Variants in SHISA9 observed in about 807,000 individuals in gnomAD.
The protein encoded by SHISA9 is shisa family member 9.
In SHISA9, 13 loss-of-function variants were observed where a neutral mutation model predicts 38.0. The ratio of observed to expected loss-of-function variants is 0.34; its 90% CI spans 0.22 to 0.54. SHISA9 has a LOEUF of 0.54. Ranked by LOEUF, SHISA9 falls within the 20% of genes least tolerant of loss-of-function variation. The probability of loss-of-function intolerance (pLI) is 0.91; values close to 1 mark genes in which losing one functional copy is unlikely to be tolerated. For synonymous variants in SHISA9, 275 were observed against 242.0 expected (o/e 1.14, Z -1.27); for missense variants, 538 against 575.8 (o/e 0.93, Z 0.67).
chr16:13,036,811 A>G (rs1307916860), intron 2 of SHISA9, among the ~76,000 whole-genome samples: 1 of 151,838 alleles, frequency 6.6e-6, no homozygotes. Context: ...CCCAGTACTA[A>G]ATGAGGTAAA....
At chr16:12,985,563 G>A (rs1567172974) in intron 2 of SHISA9, among the ~76,000 whole-genome samples, 1 of 152,162 alleles carries the variant, frequency 6.6e-6, no homozygotes, top group African/African-American at 2.4e-5. Context: ...TGGAGGCAAG[G>A]AGCTCATCCA....
chr16:13,359,099 C>T, the SHISA9 span, among the ~76,000 whole-genome samples: 4 of 152,076 alleles, frequency 2.6e-5, no homozygotes, highest in Non-Finnish European at 5.9e-5. Flanking sequence ...GAAGAATGTC[C>T]AGTTTTAGAT....
At chr16:13,100,245 A>T (rs538817157) in intron 2 of SHISA9, among the ~76,000 whole-genome samples, 1 of 152,388 alleles carries the variant, frequency 6.6e-6, no homozygotes, top group East Asian at 1.9e-4. Context: ...ACATATTTGC[A>T]GTACCTTTTT....
At chr16:13,454,792 A>G in the SHISA9 span, among the ~76,000 whole-genome samples, 8 of 152,146 alleles carry the variant, frequency 5.3e-5, 1 homozygote, top group Non-Finnish European at 1.2e-4. Flanking sequence ...TTTCTCCAAA[A>G]TTGGAGATAC....
the SHISA9 span, among the ~76,000 whole-genome samples, chr16:13,363,398 A>G: frequency 6.6e-6 from 1 of 152,204 alleles, no homozygotes. Flanking sequence ...CCTGGTAAAC[A>G]TTTGTGGAAT....
chr16:13,064,561 A>G lies in SHISA9; in HGVS notation c.692-138833A>G, dbSNP rs117968050. Among the ~76,000 whole-genome samples the G allele has an allele frequency of 4.6e-5, 7 of 152,344 alleles. No homozygotes were observed. In the East Asian group the frequency reaches 1.3e-3, roughly 29 times the overall value. ...AATGTACATAAGAATTTTGAATGATATAAGGATCATTATATGTGTATGCAC... is the reference window on the plus strand; with the variant it reads ...AATGTACATAAGAATTTTGAATGATGTAAGGATCATTATATGTGTATGCAC... On this transcript the variant is annotated intron_variant, in intron 2 of 4. Transcript: ENST00000558583.
At chr16:13,155,217 T>C (rs1458716399) in intron 2 of SHISA9, among the ~76,000 whole-genome samples, 2 of 152,056 alleles carry the variant, frequency 1.3e-5, no homozygotes, top group African/African-American at 4.8e-5. Flanking sequence ...TTAAATGGGA[T>C]GGAGTGGCTT....
At chr16:13,201,161 G>A (rs2051002490) in intron 2 of SHISA9, among the ~76,000 whole-genome samples, 1 of 135,078 alleles carries the variant, frequency 7.4e-6, no homozygotes, top group Admixed American at 7.3e-5. Flanking sequence ...ACCTGTTTTT[G>A]TAAATAAAGT....
the SHISA9 span, among the ~76,000 whole-genome samples, chr16:13,257,199 A>T: frequency 2.0e-5 from 3 of 152,120 alleles, no homozygotes; most frequent in African/African-American, 7.2e-5. Context: ...ATCCCAGGAC[A>T]AGCTTTTCTT....
the SHISA9 span, among the ~76,000 whole-genome samples, chr16:13,526,914 C>G: frequency 2.6e-5 from 4 of 152,284 alleles, no homozygotes; most frequent in African/African-American, 9.6e-5. Context: ...TCCCCAGATA[C>G]TTGAGCTTCC....
chr16:13,142,282 T>A (rs1287537321), intron 2 of SHISA9, among the ~76,000 whole-genome samples: 1 of 152,198 alleles, frequency 6.6e-6, no homozygotes, highest in Admixed American at 6.5e-5. Flanking sequence ...ACTTATTAGG[T>A]CTTCCCTAAG....
At chr16:12,997,345 C>G (rs2072469349) in intron 2 of SHISA9, among the ~76,000 whole-genome samples, 1 of 150,420 alleles carries the variant, frequency 6.6e-6, no homozygotes, top group Non-Finnish European at 1.5e-5. Context: ...CCATAGTATA[C>G]TGCAATTATC....
chr16:12,933,721 T>C (rs1345748341), intron 2 of SHISA9, among the ~76,000 whole-genome samples: 1 of 152,244 alleles, frequency 6.6e-6, no homozygotes, highest in Non-Finnish European at 1.5e-5. Context: ...TGTTGTGCCA[T>C]ATCCTTTATC....
At chr16:13,445,751 A>G in the SHISA9 span, among the ~76,000 whole-genome samples, 1 of 152,158 alleles carries the variant, frequency 6.6e-6, no homozygotes, top group Non-Finnish European at 1.5e-5. Flanking sequence ...CATGGGTTCT[A>G]CTTGAAGCCA....
At chr16:13,364,432 C>T in the SHISA9 span, among the ~76,000 whole-genome samples, 1 of 152,238 alleles carries the variant, frequency 6.6e-6, no homozygotes, top group African/African-American at 2.4e-5. Flanking sequence ...TCAGCATTCA[C>T]TCAACTTGCA....
chr16:13,262,830 C>T, the SHISA9 span, among the ~76,000 whole-genome samples: 23,757 of 152,030 alleles, frequency 0.16, 2,126 homozygotes, highest in Non-Finnish European at 0.2. Context: ...ACTGTGCTTA[C>T]CCAGTTGAGA....
intron 2 of SHISA9, among the ~76,000 whole-genome samples, chr16:13,120,074 G>C (rs901568769): frequency 6.6e-6 from 1 of 152,192 alleles, no homozygotes; most frequent in African/African-American, 2.4e-5. Context: ...CATAACCTTA[G>C]AGATGGCAAA....
At chr16:12,982,220 C>T (rs985905064) in intron 2 of SHISA9, among the ~76,000 whole-genome samples, 10 of 152,206 alleles carry the variant, frequency 6.6e-5, no homozygotes, top group Non-Finnish European at 1.5e-4. Context: ...ATTCGGCCAT[C>T]CAATATGGTG....
intron 1 of SHISA9, among the ~76,000 whole-genome samples, chr16:12,907,330 C>G (rs1268440700): frequency 1.4e-5 from 2 of 147,548 alleles, no homozygotes; most frequent in Non-Finnish European, 3.0e-5. Flanking sequence ...TTTCTCCCTT[C>G]TCTTTCCTTC....
Sources: gnomAD v4.1 joint callset for allele counts (sites outside exome capture counted in the v4.1 genomes callset) on GRCh38, gnomAD v4.1.1 for gene constraint, MANE v1.5 for transcripts, NCBI Gene and HGNC (gene_info 2026-07-23, HGNC 2026-07-21) for gene names.